PLEKHA7: variants seen among roughly 807,000 people sequenced by gnomAD.
PLEKHA7 encodes pleckstrin homology domain-containing family A member 7.
In PLEKHA7, 104 loss-of-function variants were observed where a neutral mutation model predicts 170.0. The ratio of observed to expected loss-of-function variants is 0.61; its 90% confidence interval spans 0.52 to 0.72. PLEKHA7 has a LOEUF of 0.72. Among genes scored for constraint, PLEKHA7 ranks in the 30% least tolerant of loss-of-function variants. The pLI is 0.00. For synonymous variants in PLEKHA7, 648 were observed against 660.8 expected, an observed-to-expected ratio of 0.98 and a Z score of 0.30; for missense variants, 1,615 against 1,671.7, an observed-to-expected ratio of 0.97 and a Z score of 0.59.
At chr11:17,013,764 T>C (rs1274537480) in intron 3 of PLEKHA7, among the ~76,000 whole-genome samples, 1 of 151,760 alleles carries the variant, frequency 6.6e-6, no homozygotes, top group Non-Finnish European at 1.5e-5. Context: ...CTGCGGCCTC[T>C]TCCCCCCCGG....
At chr11:16,981,787 C>G (rs1048422058) in intron 3 of PLEKHA7, among the ~76,000 whole-genome samples, 7 of 152,154 alleles carry the variant, frequency 4.6e-5, no homozygotes, top group African/African-American at 7.2e-5. Context: ...AGCCCAGCAG[C>G]AGCATTTCAA....
At chr11:16,882,985 T>C (rs1173389254) in intron 3 of PLEKHA7, among the ~76,000 whole-genome samples, 3 of 152,154 alleles carry the variant, frequency 2.0e-5, no homozygotes, top group South Asian at 2.1e-4. Flanking sequence ...AATTATATTA[T>C]CTTCATTTCA....
At chr11:16,880,895 T>C (rs1855656204) in intron 3 of PLEKHA7, among the ~76,000 whole-genome samples, 1 of 152,186 alleles carries the variant, frequency 6.6e-6, no homozygotes, top group African/African-American at 2.4e-5. Flanking sequence ...TCCCTCCAGC[T>C]GTAGCATTTT....
intron 13 of PLEKHA7, among the ~76,000 whole-genome samples, chr11:16,808,491 A>G (rs1311214641): frequency 2.6e-5 from 4 of 152,174 alleles, no homozygotes; most frequent in Non-Finnish European, 4.4e-5. Context: ...GGCATCCCCA[A>G]TTACAACTTT....
intron 3 of PLEKHA7, among the ~76,000 whole-genome samples, chr11:16,997,943 T>A (rs1048330432): frequency 6.6e-6 from 1 of 152,154 alleles, no homozygotes; most frequent in African/African-American, 2.4e-5. Context: ...CAGGCCAAGC[T>A]GGACAGAGAG....
intron 23 of PLEKHA7, chr11:16,786,868 A>T (rs1320768841): frequency 2.5e-5 from 25 of 985,414 alleles, no homozygotes; most frequent in Non-Finnish European, 2.9e-5. Context: ...ACAAGATAAC[A>T]TTCGTAGGTG....
chr11:16,932,359 C>T (rs184645386), intron 3 of PLEKHA7, among the ~76,000 whole-genome samples: 5 of 150,830 alleles, frequency 3.3e-5, no homozygotes, highest in East Asian at 3.9e-4. Flanking sequence ...GTCACTGCAG[C>T]CTCCAACTCC....
intron 17 of PLEKHA7, among the ~76,000 whole-genome samples, chr11:16,796,096 T>C (rs1424819085): frequency 6.6e-6 from 1 of 152,020 alleles, no homozygotes; most frequent in African/African-American, 2.4e-5. Flanking sequence ...TGACCTCAGA[T>C]GATCTGCCTG....
intron 3 of PLEKHA7, among the ~76,000 whole-genome samples, chr11:16,871,898 C>A (rs1200220360): frequency 1.3e-5 from 2 of 151,562 alleles, no homozygotes; most frequent in African/African-American, 4.9e-5. Context: ...CACAAATAAA[C>A]TAAACTAACC....
rs536471580 is a variant in PLEKHA7 at position 16,947,620 on chromosome 11, G to A, written c.221+66369C>T. Among the ~76,000 whole-genome samples, 38 of 138,312 alleles carry A rather than the reference G, an allele frequency of 2.7e-4. 1 individual carries two copies. In the South Asian group the frequency reaches 6.6e-3, roughly 24 times the overall value. 90.7% of individuals were successfully genotyped at this position (138,312 alleles called of 152,430 possible). On this transcript the variant is annotated intron_variant, in intron 3 of 26. Transcript: ENST00000531066. ...AAAAAAAAAGAAAGAAAGAAAGAAA[G>A]GAAAAGCAAATATGGCTGGGCGCGG... is the stretch of plus-strand genomic sequence containing the variant.
At chr11:16,836,808 G>C (rs111374019) in intron 9 of PLEKHA7, among the ~76,000 whole-genome samples, 3 of 144,716 alleles carry the variant, frequency 2.1e-5, no homozygotes, top group Non-Finnish European at 4.5e-5. Flanking sequence ...TTTTTTTTTT[G>C]TTTTTTCTGT....
intron 24 of PLEKHA7, among the ~76,000 whole-genome samples, chr11:16,785,467 G>A (rs1204383228): frequency 6.6e-6 from 1 of 152,214 alleles, no homozygotes; most frequent in African/African-American, 2.4e-5. Flanking sequence ...GCCAGGCCCT[G>A]TGCCAGGGAC....
At chr11:16,864,813 G>A (rs1212902425) in intron 4 of PLEKHA7, among the ~76,000 whole-genome samples, 18 of 152,110 alleles carry the variant, frequency 1.2e-4, no homozygotes, top group Non-Finnish European at 8.8e-5. Context: ...CCAGTCTCAG[G>A]TATGTCTTTA....
chr11:16,905,510 C>T (rs1000097613), intron 3 of PLEKHA7, among the ~76,000 whole-genome samples: 60 of 152,148 alleles, frequency 3.9e-4, no homozygotes, highest in Non-Finnish European at 1.0e-4. Flanking sequence ...GAGCCCACAG[C>T]CCCTCTCCAA....
At chr11:16,799,282 T>C (rs1157672982) in intron 17 of PLEKHA7, among the ~76,000 whole-genome samples, 2 of 152,246 alleles carry the variant, frequency 1.3e-5, no homozygotes, top group Admixed American at 6.5e-5. Context: ...GCCTTTTACC[T>C]GCTCCCATTC....
intron 3 of PLEKHA7, among the ~76,000 whole-genome samples, chr11:16,873,678 T>C (rs1343010191): frequency 6.6e-6 from 1 of 152,202 alleles, no homozygotes. Flanking sequence ...TTTTCCTTTT[T>C]TCTTTTGAGA....
chr11:16,809,315 G>A (rs1198012786), intron 13 of PLEKHA7, among the ~76,000 whole-genome samples: 2 of 152,144 alleles, frequency 1.3e-5, no homozygotes, highest in Non-Finnish European at 2.9e-5. Context: ...GGGGGGCAGG[G>A]GAAGATGGGC....
chr11:16,782,967 C>T (rs951350795), intron 25 of PLEKHA7, 71 bp from the exon 26 acceptor site: 1 of 1,479,776 alleles, frequency 6.8e-7, no homozygotes, highest in African/African-American at 1.4e-5. Context: ...GGAGGGTCTC[C>T]CTGGCCTAGA....
At chr11:16,781,394 G>T (rs756545104) in intron 26 of PLEKHA7, among the ~76,000 whole-genome samples, 2 of 152,212 alleles carry the variant, frequency 1.3e-5, no homozygotes, top group Non-Finnish European at 2.9e-5. Context: ...GGCCGAGGAT[G>T]GCAGACCCCC....
Sources: gnomAD v4.1 joint callset for allele counts (sites outside exome capture counted in the v4.1 genomes callset) on GRCh38, gnomAD v4.1.1 for gene constraint, MANE v1.5 for transcripts, NCBI Gene and HGNC (gene_info 2026-07-23, HGNC 2026-07-21) for gene names.